The following PCDH11X variants were observed in gnomAD, a reference collection of about 807,000 sequenced individuals.
The protein encoded by PCDH11X is protocadherin-11 X-linked.
PCDH11X carries 18 observed loss-of-function variants against 53.3 expected under a neutral mutation model. That is an observed-to-expected ratio of 0.34 (90% CI 0.23 to 0.50). The LOEUF is 0.50. PCDH11X is among the 20% of genes least tolerant of loss of function. The pLI, the probability that PCDH11X is intolerant of heterozygous loss-of-function variation, is 0.98. For missense variants in PCDH11X, 570 were observed against 1,032.4 expected, an observed-to-expected ratio of 0.55 and a Z score of 6.14; for synonymous variants, 279 against 393.3, an observed-to-expected ratio of 0.71 and a Z score of 3.44.
intron 6 of PCDH11X, among the ~76,000 whole-genome samples, chrX:92,188,390 G>A (rs1038054805): frequency 1.8e-5 from 2 of 111,513 alleles, no homozygotes; most frequent in Middle Eastern, 4.6e-3. Context: ...GTACTAGAGA[G>A]CATCTTTAGA....
intron 6 of PCDH11X, among the ~76,000 whole-genome samples, chrX:92,076,543 G>A (rs2063775794): frequency 9.0e-6 from 1 of 111,165 alleles, no homozygotes; most frequent in African/African-American, 3.3e-5. Flanking sequence ...AAATGGGTTG[G>A]AACAGGATCA....
At chrX:92,200,470 G>T (rs1344813704) in intron 6 of PCDH11X, among the ~76,000 whole-genome samples, 3 of 112,079 alleles carry the variant, frequency 2.7e-5, no homozygotes. Context: ...ATATCAAAAA[G>T]ATACTTGCAC....
chrX:92,456,095 C>T (rs1318496343), intron 9 of PCDH11X, among the ~76,000 whole-genome samples: 2 of 111,493 alleles, frequency 1.8e-5, no homozygotes, highest in Non-Finnish European at 1.9e-5. Context: ...CAACAGAGTA[C>T]AAAAATTGAA....
chrX:91,785,812 G>A (rs901311141), intron 1 of PCDH11X, among the ~76,000 whole-genome samples: 3 of 100,447 alleles, frequency 3.0e-5, no homozygotes, highest in Non-Finnish European at 6.4e-5. Flanking sequence ...AGTTCTTCAC[G>A]AAGGCATCAT....
intron 6 of PCDH11X, among the ~76,000 whole-genome samples, chrX:92,011,215 A>G (rs1423063652): frequency 1.8e-5 from 2 of 111,913 alleles, no homozygotes; most frequent in African/African-American, 6.5e-5. Flanking sequence ...TGGCAGAACA[A>G]TTTATATTTC....
At chrX:92,232,384 G>T (rs1243326945) in intron 7 of PCDH11X, among the ~76,000 whole-genome samples, 1 of 111,771 alleles carries the variant, frequency 8.9e-6, no homozygotes, top group Non-Finnish European at 1.9e-5. Flanking sequence ...ACTAGATGGT[G>T]CACTCTGCAA....
chrX:91,962,890 T>C (rs1368933367), intron 6 of PCDH11X, among the ~76,000 whole-genome samples: 6 of 111,496 alleles, frequency 5.4e-5, no homozygotes, highest in Non-Finnish European at 7.5e-5. Flanking sequence ...AGTAACAGCC[T>C]GAGCTATATA....
chrX:92,576,011 T>TATATATATATAC (rs1376237034), intron 10 of PCDH11X, among the ~76,000 whole-genome samples: 1 of 28,097 alleles, frequency 3.6e-5, no homozygotes, highest in African/African-American at 1.7e-4. Flanking sequence ...TATATATATA[T>TATATATATATAC]ACACACACAC....
At chrX:92,310,584 TC>T (rs1444807052) in intron 8 of PCDH11X, among the ~76,000 whole-genome samples, 1 of 110,196 alleles carries the variant, frequency 9.1e-6, no homozygotes. Context: ...AGATGGGGTT[TC>T]ACCATGTTAG....
chrX:91,848,762 A>G (rs1032342476), intron 5 of PCDH11X, among the ~76,000 whole-genome samples: 69 of 111,835 alleles, frequency 6.2e-4, no homozygotes, highest in Non-Finnish European at 1.1e-3. Flanking sequence ...GGTGACTTAA[A>G]TGCCTGTATC....
At chrX:92,103,730 C>T (rs765089535) in intron 6 of PCDH11X, among the ~76,000 whole-genome samples, 23 of 112,086 alleles carry the variant, frequency 2.1e-4, no homozygotes, top group East Asian at 5.7e-4. Flanking sequence ...TCTGGAGGAA[C>T]GCCTGGCTGC....
At chrX:92,438,520 C>T (rs1261560635) in intron 9 of PCDH11X, among the ~76,000 whole-genome samples, 1 of 110,760 alleles carries the variant, frequency 9.0e-6, no homozygotes, top group Admixed American at 9.6e-5. Flanking sequence ...CTCAACTCCT[C>T]CCCACCTCTC....
intron 10 of PCDH11X, among the ~76,000 whole-genome samples, chrX:92,614,162 T>C (rs2148818942): frequency 9.1e-6 from 1 of 110,484 alleles, no homozygotes; most frequent in African/African-American, 3.3e-5. Flanking sequence ...TTAAGGACCA[T>C]TGGTGGAGGG....
chrX:92,086,688 G>T (rs183403940), intron 6 of PCDH11X, among the ~76,000 whole-genome samples: 1 of 110,494 alleles, frequency 9.1e-6, no homozygotes, highest in South Asian at 3.8e-4. Context: ...TTAAAAATAC[G>T]AAACTTTTTT....
In PCDH11X at chrX:92,142,370, G is replaced by A. The variant is rs867348481; in HGVS notation, c.3034-59005G>A. 5.0e-3 allele frequency among the ~76,000 whole-genome samples: 478 copies of A among 95,561 alleles called. 2 individuals carry two copies. Among genetic ancestry groups the A allele is most frequent in the African/African-American group, 0.014 (340 of 25,009 alleles). 83.0% of individuals were successfully genotyped at this position (95,561 alleles called of 115,157 possible). On this transcript the variant is annotated intron_variant, in intron 6 of 10. Coordinates refer to ENST00000682573, the MANE Select transcript of PCDH11X (RefSeq NM_032968.5). The stretch of plus-strand genomic sequence containing the variant: ...AGTTGGTCCATGCATGTGCGCGCGC[G>A]CACACACACACACACACACACACAC...
intron 6 of PCDH11X, among the ~76,000 whole-genome samples, chrX:92,101,109 G>GATA (rs2064239907): frequency 8.9e-6 from 1 of 111,936 alleles, no homozygotes; most frequent in South Asian, 3.7e-4. Flanking sequence ...TAAGAGTAGC[G>GATA]GTTTGGGGAT....
chrX:92,213,261 T>C (rs1192083128), intron 7 of PCDH11X, among the ~76,000 whole-genome samples: 2 of 112,198 alleles, frequency 1.8e-5, no homozygotes, highest in Non-Finnish European at 3.8e-5. Context: ...CTTTAGCCGT[T>C]TGAGTACTTT....
intron 6 of PCDH11X, among the ~76,000 whole-genome samples, chrX:92,063,112 T>C (rs900497149): frequency 7.5e-5 from 8 of 107,032 alleles, no homozygotes; most frequent in African/African-American, 2.7e-4. Flanking sequence ...AAACACCGCA[T>C]GTTCTCACTC....
intron 5 of PCDH11X, among the ~76,000 whole-genome samples, chrX:91,843,263 A>ATGTGTGTGTGTGTGTG (rs3067347): frequency 2.8e-4 from 26 of 91,393 alleles, no homozygotes; most frequent in African/African-American, 1.0e-3. Context: ...ATACATACTT[A>ATGTGTGTGTGTGTGTG]TGTGTGTGTG....
Sources: gnomAD v4.1 joint callset for allele counts (sites outside exome capture counted in the v4.1 genomes callset) on GRCh38, gnomAD v4.1.1 for gene constraint, MANE v1.5 for transcripts, NCBI Gene and HGNC (gene_info 2026-07-23, HGNC 2026-07-21) for gene names.